Variants in MAST4 observed in about 807,000 individuals in gnomAD.
MAST4 encodes the protein microtubule associated serine/threonine kinase family member 4, also known as microtubule-associated serine/threonine-protein kinase 4.
A neutral mutation model predicts 162.7 loss-of-function variants in MAST4; 89 were observed. That is an observed-to-expected ratio of 0.55 (90% CI 0.46 to 0.65). MAST4 has a LOEUF of 0.65. Among genes scored for constraint, MAST4 ranks in the 30% least tolerant of loss-of-function variants. MAST4 has a pLI of 0.00. For synonymous variants in MAST4, 1,479 were observed against 1,361.1 expected (o/e 1.09, Z -1.91); for missense variants, 3,153 against 3,374.0 (o/e 0.93, Z 1.62).
Position 67,054,422 on chromosome 5 carries a change from G to C in MAST4, c.693G>C (p.Arg231=). 9 of 1,607,110 alleles carry C rather than the reference G, an allele frequency of 5.6e-6. No individual in the cohort carries two copies. Among genetic ancestry groups the C allele is most frequent in the Non-Finnish European group, 7.6e-6 (9 of 1,176,984 alleles). Residue 231 remains arginine (R), a synonymous_variant, in exon 5 of 29, where the codon CGG becomes CGC. Transcript: ENST00000403625. ...TTGATAGTTGCCGAACAAGCAACCG[G>C]AAAAGCTTAATAGGCAATGGGCAGT... The part of the protein sequence containing the change: ...RRGSFCRTSN[R]KSLIGNGQSP...
intron 5 of MAST4, among the ~76,000 whole-genome samples, chr5:67,078,333 G>GAA (rs35658852): frequency 0.01 from 1,399 of 133,592 alleles, 18 homozygotes; most frequent in African/African-American, 0.029. Flanking sequence ...GCCTTGATGT[G>GAA]AAAAAAAAAA....
intron 5 of MAST4, among the ~76,000 whole-genome samples, chr5:67,078,662 TTTATATTTATA>T (rs1344291410): frequency 2.4e-5 from 3 of 124,400 alleles, no homozygotes; most frequent in Admixed American, 8.4e-5. Context: ...ATATATTTAT[TTTATATTTATA>T]TTATATTTAT....
chr5:67,000,111 C>G (rs1353199772), intron 4 of MAST4, among the ~76,000 whole-genome samples: 1 of 152,196 alleles, frequency 6.6e-6, no homozygotes, highest in African/African-American at 2.4e-5. Context: ...CTCTCAAGAC[C>G]ACATTTAGAA....
At chr5:66,922,122 T>C (rs1027693660) in intron 4 of MAST4, among the ~76,000 whole-genome samples, 1 of 152,190 alleles carries the variant, frequency 6.6e-6, no homozygotes, top group Non-Finnish European at 1.5e-5. Flanking sequence ...GCTCTATCAG[T>C]GGGAAAGTGT....
intron 5 of MAST4, among the ~76,000 whole-genome samples, chr5:67,078,901 T>TAAA (rs1345398452): frequency 1.5e-5 from 1 of 68,158 alleles, no homozygotes; most frequent in African/African-American, 6.4e-5. Context: ...TATTTATATA[T>TAAA]TTTTATATAA....
At position 67,101,620 on chromosome 5, in the gene MAST4, C is replaced by T. The variant is rs1214189222; in HGVS notation, c.1071-916C>T. 7.2e-5 allele frequency among the ~76,000 whole-genome samples: 11 copies of T among 152,170 alleles called. No individual in the cohort carries two copies. The South Asian group carries it at 1.9e-3, about 26-fold the overall frequency. On this transcript the variant is annotated intron_variant, in intron 8 of 28. Coordinates refer to ENST00000403625, the MANE Select transcript of MAST4 (RefSeq NM_001164664.2). ...ATTAAAAAATAGCTTATTTATTAGG[C>T]GGTCAGTTGAATATCAAAGTTTAAT...
intron 11 of MAST4, among the ~76,000 whole-genome samples, chr5:67,110,890 G>T (rs1439430997): frequency 1.3e-5 from 2 of 152,124 alleles, no homozygotes; most frequent in Non-Finnish European, 1.5e-5. Flanking sequence ...CAGGTGTGGT[G>T]GTGCACGCCT....
chr5:66,853,302 G>A (rs762008646), intron 3 of MAST4, among the ~76,000 whole-genome samples: 1 of 152,168 alleles, frequency 6.6e-6, no homozygotes, highest in South Asian at 2.1e-4. Context: ...GTGTCTGTGT[G>A]TAGGTCACTG....
chr5:66,601,409 G>A (rs985193267), intron 1 of MAST4, among the ~76,000 whole-genome samples: 4 of 152,220 alleles, frequency 2.6e-5, no homozygotes, highest in Admixed American at 2.0e-4. Context: ...TAGTTGGGGA[G>A]ATAGTCACTA....
intron 1 of MAST4, among the ~76,000 whole-genome samples, chr5:66,737,146 TG>T (rs1752203858): frequency 6.6e-6 from 1 of 152,184 alleles, no homozygotes; most frequent in South Asian, 2.1e-4. Flanking sequence ...CTTAGCTGGT[TG>T]GGTGGCTCTG....
intron 3 of MAST4, among the ~76,000 whole-genome samples, chr5:66,796,203 A>G (rs2149687803): frequency 6.6e-6 from 1 of 152,318 alleles, no homozygotes; most frequent in South Asian, 2.1e-4. Flanking sequence ...TCTCTGTGAA[A>G]AGATATTCTA....
intron 4 of MAST4, among the ~76,000 whole-genome samples, chr5:67,027,968 C>T (rs1754862227): frequency 6.6e-6 from 1 of 152,140 alleles, no homozygotes; most frequent in Admixed American, 6.6e-5. Context: ...GCTGGAGAGG[C>T]AGTGGTGAAG....
chr5:66,773,841 A>ATTATTATGTTGT lies in MAST4; in HGVS notation c.517+13980_517+13991dup, dbSNP rs563987991. The stretch of plus-strand genomic sequence containing the variant: ...GTTCTTTATAAATTACCCAGTCTCC[A>ATTATTATGTTGT]TTATTATGTTGTAGCGGCACAAACT... On this transcript the variant is annotated intron_variant, in intron 2 of 28. Coordinates refer to ENST00000403625, the MANE Select transcript of MAST4 (RefSeq NM_001164664.2). Among the ~76,000 whole-genome samples, 629 of 152,328 alleles carry ATTATTATGTTGT rather than the reference A, an allele frequency of 4.1e-3. 1 individual carries two copies. Among genetic ancestry groups the ATTATTATGTTGT allele is most frequent in the South Asian group, 0.013 (61 of 4,828 alleles).
rs540696554 is a variant in MAST4, at chr5:67,100,732, T to C, written c.1070+140T>C. The C allele has an allele frequency of 1.6e-5, 17 of 1,037,462 alleles. No individual in the cohort carries two copies. The South Asian group carries it at 2.8e-4, about 17-fold the overall frequency. The allele number at this position is 1,037,462 out of a possible 1,614,324, so 64.3% of individuals were successfully genotyped here. A position where few individuals can be genotyped will look rare whatever the true frequency, so the allele number is the denominator to read the frequency against. On this transcript the variant is annotated intron_variant, in intron 8 of 28. Coordinates refer to ENST00000403625, the MANE Select transcript of MAST4 (RefSeq NM_001164664.2). ...ACAAATATAGTGTGATGTTTCCATGTACACATAATATTGTTAATTACCATT... is the reference window on the plus strand; with the variant it reads ...ACAAATATAGTGTGATGTTTCCATGCACACATAATATTGTTAATTACCATT...
At chr5:67,011,630 G>A (rs1052626988) in intron 4 of MAST4, among the ~76,000 whole-genome samples, 1 of 152,230 alleles carries the variant, frequency 6.6e-6, no homozygotes, top group African/African-American at 2.4e-5. Context: ...CAAGCCCAGA[G>A]CTTCCAGCAG....
chr5:66,884,726 C>A (rs1761927464), intron 3 of MAST4, among the ~76,000 whole-genome samples: 2 of 152,174 alleles, frequency 1.3e-5, no homozygotes, highest in Non-Finnish European at 2.9e-5. Flanking sequence ...GCTATCATAT[C>A]CCCTCAAATG....
intron 3 of MAST4, among the ~76,000 whole-genome samples, chr5:66,893,297 C>T (rs1032303830): frequency 4.6e-5 from 7 of 152,052 alleles, no homozygotes; most frequent in Non-Finnish European, 1.0e-4. Context: ...CCTCCGCCTT[C>T]TGGGTTCAAG....
intron 4 of MAST4, among the ~76,000 whole-genome samples, chr5:67,047,647 G>C (rs772086718): frequency 1.1e-4 from 16 of 152,306 alleles, no homozygotes; most frequent in Non-Finnish European, 1.9e-4. Context: ...CTTGAGAGCA[G>C]AGATTTTTGT....
chr5:66,966,013 G>A (rs73768759), intron 4 of MAST4, among the ~76,000 whole-genome samples: 23,644 of 152,194 alleles, frequency 0.16, 3,155 homozygotes, highest in African/African-American at 0.36. Flanking sequence ...AAAATTTGCA[G>A]AGTTCTTTAT....
Sources: allele counts gnomAD v4.1 joint callset (sites outside exome capture counted in the v4.1 genomes callset), GRCh38; gene constraint gnomAD v4.1.1; transcripts MANE v1.5; gene names NCBI Gene and HGNC (gene_info 2026-07-23, HGNC 2026-07-21).